SLC44A5: variants seen among roughly 807,000 people sequenced by gnomAD.
SLC44A5 encodes solute carrier family 44 member 5.
SLC44A5 carries 57 observed loss-of-function variants against 101.8 expected under a neutral mutation model. That is an observed-to-expected ratio of 0.56 (90% CI 0.45 to 0.70). The LOEUF (loss-of-function observed/expected upper bound fraction) is 0.70, where lower values mean the gene tolerates loss of function less well. Among genes scored for constraint, SLC44A5 ranks in the 30% least tolerant of loss-of-function variants. SLC44A5 has a pLI of 0.00. For missense variants in SLC44A5, 737 were observed against 853.1 expected (o/e 0.86, Z 1.70); for synonymous variants, 281 against 290.9 (o/e 0.97, Z 0.35).
chr1:75,479,505 A>G (rs1282235032), intron 2 of SLC44A5, among the ~76,000 whole-genome samples: 1 of 152,218 alleles, frequency 6.6e-6, no homozygotes, highest in Non-Finnish European at 1.5e-5. Context: ...GACCGCTAGC[A>G]AGACTAATGA....
the SLC44A5 span, chr1:75,641,321 G>T: frequency 2.9e-6 from 2 of 681,444 alleles, no homozygotes; most frequent in Non-Finnish European, 5.2e-6. Flanking sequence ...AAAGATGTTG[G>T]TGGTGCAAAA....
At chr1:75,415,219 G>A (rs1316544754) in intron 2 of SLC44A5, among the ~76,000 whole-genome samples, 2 of 152,326 alleles carry the variant, frequency 1.3e-5, no homozygotes, top group East Asian at 3.9e-4. Context: ...ATTCCCACGT[G>A]TTGTGGGAGG....
the SLC44A5 span, among the ~76,000 whole-genome samples, chr1:75,670,707 T>C: frequency 1.3e-5 from 2 of 152,134 alleles, no homozygotes; most frequent in African/African-American, 2.4e-5. Context: ...TCAGAAAAGA[T>C]AGCTGTCATT....
At chr1:75,657,939 G>C in the SLC44A5 span, among the ~76,000 whole-genome samples, 98,105 of 152,012 alleles carry the variant, frequency 0.65, 33,375 homozygotes, top group African/African-American at 0.8. Context: ...TTAAGCTACA[G>C]TCTAGATCAA....
the SLC44A5 span, among the ~76,000 whole-genome samples, chr1:75,630,553 G>A: frequency 1.3e-5 from 2 of 151,958 alleles, no homozygotes; most frequent in African/African-American, 4.8e-5. Context: ...CTTAACCTTA[G>A]GAGAGAGGAT....
chr1:75,365,115 CA>C (rs1231651270), intron 3 of SLC44A5, among the ~76,000 whole-genome samples: 1 of 151,996 alleles, frequency 6.6e-6, no homozygotes, highest in East Asian at 1.9e-4. Flanking sequence ...CTCTTGCTAT[CA>C]TTTTTTTTAC....
chr1:75,652,816 A>C, the SLC44A5 span, among the ~76,000 whole-genome samples: 1 of 152,106 alleles, frequency 6.6e-6, no homozygotes, highest in African/African-American at 2.4e-5. Context: ...AAAAACAAAA[A>C]AACAGTCCCA....
At chr1:75,491,995 C>T (rs1014131864) in intron 2 of SLC44A5, among the ~76,000 whole-genome samples, 3 of 152,102 alleles carry the variant, frequency 2.0e-5, no homozygotes, top group Admixed American at 6.5e-5. Flanking sequence ...ATTTTAGTGA[C>T]TTCAAGGTGT....
chr1:75,627,442 C>G, the SLC44A5 span, among the ~76,000 whole-genome samples: 1 of 152,000 alleles, frequency 6.6e-6, no homozygotes, highest in Non-Finnish European at 1.5e-5. Flanking sequence ...CTTTAGGAGG[C>G]CAAGGTGGGA....
At chr1:75,353,382 C>G (rs942205803) in intron 3 of SLC44A5, among the ~76,000 whole-genome samples, 7 of 152,166 alleles carry the variant, frequency 4.6e-5, no homozygotes, top group African/African-American at 1.7e-4. Flanking sequence ...TATTAGTCCT[C>G]ACACAGGTTT....
chr1:75,616,970 G>A, the SLC44A5 span, among the ~76,000 whole-genome samples: 1 of 152,172 alleles, frequency 6.6e-6, no homozygotes, highest in African/African-American at 2.4e-5. Context: ...GCTTTGGAAA[G>A]TTCTCATGTT....
In SLC44A5 at chr1:75,371,551, T is replaced by C. The variant is rs183884461; in HGVS notation, c.52+25032A>G. On this transcript the variant is annotated intron_variant, in intron 3 of 23. Coordinates refer to ENST00000370859, the MANE Select transcript of SLC44A5 (RefSeq NM_001130058.2). The stretch of plus-strand genomic sequence containing the variant: ...CTGATTATCAAGAAAATTAAGAAAA[T>C]GAAAAATTAAAAAATCAAAAAATGA... 5.2e-3 allele frequency among the ~76,000 whole-genome samples: 784 copies of C among 151,958 alleles called. 5 individuals carry two copies. Among genetic ancestry groups the C allele is most frequent in the African/African-American group, 0.018 (753 of 41,444 alleles).
At chr1:75,636,333 T>C in the SLC44A5 span, among the ~76,000 whole-genome samples, 1 of 152,024 alleles carries the variant, frequency 6.6e-6, no homozygotes, top group Non-Finnish European at 1.5e-5. Flanking sequence ...GAGTAAACAA[T>C]AAGTAAATGT....
chr1:75,346,197 C>T (rs957610858), intron 3 of SLC44A5, among the ~76,000 whole-genome samples: 3 of 152,082 alleles, frequency 2.0e-5, no homozygotes, highest in Non-Finnish European at 2.9e-5. Context: ...GTATCATGAC[C>T]TATGATGGTT....
chr1:75,283,848 G>A (rs919962746), intron 5 of SLC44A5, among the ~76,000 whole-genome samples: 2 of 151,952 alleles, frequency 1.3e-5, no homozygotes, highest in Non-Finnish European at 2.9e-5. Flanking sequence ...CTGCCCCATT[G>A]GGCTATGTGC....
At chr1:75,523,909 T>C (rs982373933) in intron 2 of SLC44A5, among the ~76,000 whole-genome samples, 2 of 152,186 alleles carry the variant, frequency 1.3e-5, no homozygotes, top group Non-Finnish European at 2.9e-5. Context: ...AAAATATTAA[T>C]AGTGGCAATG....
At chr1:75,461,356 C>T (rs1442886935) in intron 2 of SLC44A5, among the ~76,000 whole-genome samples, 1 of 152,190 alleles carries the variant, frequency 6.6e-6, no homozygotes, top group African/African-American at 2.4e-5. Flanking sequence ...ATTTAGGTCA[C>T]AACCTTCACA....
At chr1:75,678,547 C>T in the SLC44A5 span, among the ~76,000 whole-genome samples, 1 of 146,414 alleles carries the variant, frequency 6.8e-6, no homozygotes, top group East Asian at 2.0e-4. Context: ...CTGCAGCTGA[C>T]GGTCCTGTCT....
chr1:75,590,689 G>T (rs1674299082), intron 1 of SLC44A5, among the ~76,000 whole-genome samples: 1 of 152,230 alleles, frequency 6.6e-6, no homozygotes, highest in Non-Finnish European at 1.5e-5. Context: ...GCCAGGGGTG[G>T]TGGTGGCTAT....
Sources: gnomAD v4.1 joint callset for allele counts (sites outside exome capture counted in the v4.1 genomes callset) on GRCh38, gnomAD v4.1.1 for gene constraint, MANE v1.5 for transcripts, NCBI Gene and HGNC (gene_info 2026-07-23, HGNC 2026-07-21) for gene names.